ACYP2: variants seen among roughly 807,000 people sequenced by gnomAD.
ACYP2 encodes the protein acylphosphatase 2.
In ACYP2, 12 loss-of-function variants were observed where a neutral mutation model predicts 11.2. That is an observed-to-expected ratio of 1.08 (90% CI 0.69 to 1.74). ACYP2 has a LOEUF of 1.74. Ranked by LOEUF, ACYP2 falls within the 40% of genes most tolerant of loss-of-function variation. The pLI is 0.00. For synonymous variants in ACYP2, 43 were observed against 32.2 expected, an observed-to-expected ratio of 1.33 and a Z score of -1.13; for missense variants, 134 against 101.9, an observed-to-expected ratio of 1.31 and a Z score of -1.35.
chr2:53,999,191 G>T (rs1293119631), intron 2 of ACYP2, among the ~76,000 whole-genome samples: 2 of 152,156 alleles, frequency 1.3e-5, no homozygotes, highest in Non-Finnish European at 2.9e-5. Flanking sequence ...CCCAAAACTT[G>T]CCACAAACAC....
intron 6 of ACYP2, among the ~76,000 whole-genome samples, chr2:54,243,918 GTTT>G (rs1051070680): frequency 2.8e-5 from 4 of 143,860 alleles, no homozygotes; most frequent in African/African-American, 7.6e-5. Context: ...AGTTGTTGCT[GTTT>G]TTTTTTTTTA....
chr2:54,127,603 C>T (rs928469782), intron 4 of ACYP2, among the ~76,000 whole-genome samples: 1 of 151,944 alleles, frequency 6.6e-6, no homozygotes, highest in African/African-American at 2.4e-5. Flanking sequence ...AAAAAATTAG[C>T]CCGGTGTGGT....
At chr2:54,115,619 G>T in intron 4 of ACYP2, 3 of 1,562,408 alleles carry the variant, frequency 1.9e-6, no homozygotes, top group Non-Finnish European at 2.6e-6. Flanking sequence ...AGTCCCATGT[G>T]TCCCCTCCCT....
chr2:54,188,499 G>A (rs1043465071), intron 6 of ACYP2, among the ~76,000 whole-genome samples: 3 of 152,130 alleles, frequency 2.0e-5, no homozygotes, highest in Non-Finnish European at 2.9e-5. Context: ...AATGATAGTA[G>A]TTATTAATAT....
At chr2:54,269,217 G>C (rs190715313) in intron 6 of ACYP2, among the ~76,000 whole-genome samples, 2 of 152,230 alleles carry the variant, frequency 1.3e-5, no homozygotes, top group Admixed American at 1.3e-4. Context: ...CAAAGTGCTG[G>C]GATTACAGGC....
At chr2:53,984,707 T>G (rs1671941291) in intron 2 of ACYP2, among the ~76,000 whole-genome samples, 1 of 151,536 alleles carries the variant, frequency 6.6e-6, no homozygotes, top group Non-Finnish European at 1.5e-5. Flanking sequence ...TTATTGCAGG[T>G]ACACAGGGCT....
intron 2 of ACYP2, among the ~76,000 whole-genome samples, chr2:54,004,866 G>C (rs956923085): frequency 1.7e-4 from 23 of 139,208 alleles, no homozygotes; most frequent in African/African-American, 6.0e-4. Flanking sequence ...CTGCACTCCA[G>C]CCTGGGCAAC....
At chr2:54,293,104 G>T (rs1573063337) in intron 6 of ACYP2, among the ~76,000 whole-genome samples, 1 of 152,212 alleles carries the variant, frequency 6.6e-6, no homozygotes, top group African/African-American at 2.4e-5. Context: ...CTCTGTGAGG[G>T]AGGCAGTATA....
chr2:54,143,765 G>GC (rs372649536), intron 6 of ACYP2, among the ~76,000 whole-genome samples: 2,271 of 125,674 alleles, frequency 0.018, 156 homozygotes, highest in African/African-American at 0.066. Context: ...TTTGGGGGGG[G>GC]GGTATTCTAT....
intron 6 of ACYP2, among the ~76,000 whole-genome samples, chr2:54,291,569 A>C (rs890799315): frequency 6.6e-6 from 1 of 152,216 alleles, no homozygotes; most frequent in African/African-American, 2.4e-5. Context: ...GCCTCGCAGC[A>C]AGAGTTTCAA....
intron 4 of ACYP2, among the ~76,000 whole-genome samples, chr2:54,102,638 C>CAAAAAAAAAAAAAAAAAAAA (rs58842257): frequency 2.4e-5 from 2 of 83,304 alleles, no homozygotes; most frequent in African/African-American, 5.8e-5. Context: ...TGGCTTAAGC[C>CAAAAAAAAAAAAAAAAAAAA]AAAAAAAAAA....
chr2:54,288,880 C>A (rs920683071), intron 6 of ACYP2, among the ~76,000 whole-genome samples: 1 of 152,108 alleles, frequency 6.6e-6, no homozygotes, highest in Non-Finnish European at 1.5e-5. Flanking sequence ...ACTTTGTAGA[C>A]CCAATCTCAG....
At chr2:54,115,830 C>T in intron 4 of ACYP2, 74 bp downstream of exon 1, 1 of 1,438,352 alleles carries the variant, frequency 7.0e-7, no homozygotes, top group Non-Finnish European at 9.2e-7. Context: ...GAAGCGCCTC[C>T]CACCTAAAGT....
intron 5 of ACYP2, among the ~76,000 whole-genome samples, chr2:54,137,788 G>T (rs1204681064): frequency 6.6e-6 from 1 of 152,052 alleles, no homozygotes; most frequent in Non-Finnish European, 1.5e-5. Flanking sequence ...ATTCTTTTGG[G>T]TATATACCCA....
At chr2:54,106,714 G>A (rs763794200) in intron 4 of ACYP2, among the ~76,000 whole-genome samples, 3 of 152,042 alleles carry the variant, frequency 2.0e-5, no homozygotes, top group Non-Finnish European at 4.4e-5. Flanking sequence ...CTCCTGAGTA[G>A]CTGGGATTAT....
At chr2:54,131,599 C>T (rs1215004472) in intron 4 of ACYP2, among the ~76,000 whole-genome samples, 1 of 152,018 alleles carries the variant, frequency 6.6e-6, no homozygotes. Context: ...TGTAATTCGT[C>T]TGACTTGTGA....
In ACYP2 at chr2:53,973,706, T is replaced by C; in HGVS notation, c.-36-7T>C. 3.5e-6 allele frequency: 1 copy of C among 286,118 alleles called. No homozygotes were observed. The highest frequency in any genetic ancestry group is 6.4e-6 in the Non-Finnish European group (1 of 155,196). 17.7% of individuals were successfully genotyped at this position (286,118 alleles called of 1,614,324 possible). A position where few individuals can be genotyped will look rare whatever the true frequency, so the allele number is the denominator to read the frequency against. On this transcript the variant is annotated splice_region_variant and splice_polypyrimidine_tract_variant and intron_variant, in intron 1 of 6. Coordinates refer to ENST00000607452, the MANE Select transcript of ACYP2 (RefSeq NM_001320586.2). ...ATCCCAACACCCTTTGCTGACTCCT[T>C]TTTCAGACTCAGCCTGCCTGCACCC...
chr2:54,177,526 C>T (rs575459062), intron 6 of ACYP2, among the ~76,000 whole-genome samples: 26 of 150,646 alleles, frequency 1.7e-4, no homozygotes, highest in Non-Finnish European at 3.2e-4. Context: ...TCAATCACTC[C>T]GTTTGAGTAT....
chr2:54,040,974 T>C (rs1675190377), intron 2 of ACYP2, among the ~76,000 whole-genome samples: 1 of 152,212 alleles, frequency 6.6e-6, no homozygotes, highest in African/African-American at 2.4e-5. Context: ...AGGGATGAGC[T>C]GATGCAGGTG....
Sources: allele counts gnomAD v4.1 joint callset (sites outside exome capture counted in the v4.1 genomes callset), GRCh38; gene constraint gnomAD v4.1.1; transcripts MANE v1.5; gene names NCBI Gene and HGNC (gene_info 2026-07-23, HGNC 2026-07-21).